ZKSCAN5: variants seen among roughly 807,000 people sequenced by gnomAD.
ZKSCAN5 encodes zinc finger with KRAB and SCAN domains 5.
Under a neutral mutation model 60.0 loss-of-function variants are expected in ZKSCAN5, and 28 were observed. That is an observed-to-expected ratio of 0.47 (90% confidence interval 0.35 to 0.64). The LOEUF (loss-of-function observed/expected upper bound fraction) is 0.64, where lower values mean the gene tolerates loss of function less well. Ranked by LOEUF, ZKSCAN5 falls within the 30% of genes least tolerant of loss-of-function variation. The pLI, the probability that ZKSCAN5 is intolerant of heterozygous loss-of-function variation, is 0.01. For missense variants in ZKSCAN5, 881 were observed against 1,034.6 expected (o/e 0.85, Z 2.04); for synonymous variants, 361 against 371.2 (o/e 0.97, Z 0.31).
At position 99,505,875 on chromosome 7, in the gene ZKSCAN5, T is replaced by A. The variant is rs576361071; in HGVS notation, c.-40-130T>A. The A allele has an allele frequency of 1.9e-4, 132 of 695,870 alleles. 2 individuals are homozygous for A. The Admixed American group carries it at 3.9e-3, about 21-fold the overall frequency. The allele number at this position is 695,870 out of a possible 1,614,324, so 43.1% of individuals were successfully genotyped here. ...TTAAGTAAATTACTTTGTTGAGTGG[T>A]CGTCTTTAGTATAGATGACCTCTTT... is the stretch of plus-strand genomic sequence containing the variant. On this transcript the variant is annotated intron_variant, in intron 1 of 6. Coordinates refer to ENST00000326775, the MANE Select transcript of ZKSCAN5 (RefSeq NM_145102.4).
At position 99,506,429 on chromosome 7, in the gene ZKSCAN5, CA is replaced by C. The variant is rs1800731726; in HGVS notation, c.386del (p.Gln129ArgfsTer37). The C allele has an allele frequency of 6.2e-7, 1 of 1,613,396 alleles. No homozygotes were observed. The highest frequency in any genetic ancestry group is 8.5e-7 in the Non-Finnish European group (1 of 1,179,434). ...GGCGGTGGCCGTGATAGAAAATATA[CA>C]GCGAGAACTTGAGGAACGCAGACAG... Reference protein sequence around the residue: ...EEAVAVIENIQRELEERRQQI... With the variant: ...EEAVAVIENIXRELEERRQQI... On this transcript the variant is annotated frameshift_variant, in exon 2 of 7. Coordinates refer to ENST00000326775, the MANE Select transcript of ZKSCAN5 (RefSeq NM_145102.4). LOFTEE classifies it high-confidence loss of function.
chr7:99,521,312 C>T (rs906109002), intron 5 of ZKSCAN5, among the ~76,000 whole-genome samples: 13 of 152,164 alleles, frequency 8.5e-5, no homozygotes, highest in African/African-American at 2.9e-4. Flanking sequence ...ATTCTCCTGC[C>T]TCAGCCTCCT....
At chr7:99,508,284 C>A (rs552923208) in intron 2 of ZKSCAN5, among the ~76,000 whole-genome samples, 3 of 149,748 alleles carry the variant, frequency 2.0e-5, no homozygotes, top group African/African-American at 7.4e-5. Context: ...GGCAACAGAG[C>A]GAGACTCCAT....
rs1018763517 is a variant in ZKSCAN5 at position 99,517,596 on chromosome 7, T to C, written c.554-2231T>C. On this transcript the variant is annotated intron_variant, in intron 3 of 6. Coordinates refer to ENST00000326775, the MANE Select transcript of ZKSCAN5 (RefSeq NM_145102.4). ...CTCAGGAAGCTGAGGCAGGAGACTCTCTTGAACCTGGGAGGCGGAGGTTGC... is the reference window on the plus strand; with the variant it reads ...CTCAGGAAGCTGAGGCAGGAGACTCCCTTGAACCTGGGAGGCGGAGGTTGC... 2.0e-5 allele frequency among the ~76,000 whole-genome samples: 3 copies of C among 150,676 alleles called. No homozygotes were observed. The East Asian group carries it at 5.9e-4, about 30-fold the overall frequency.
intron 2 of ZKSCAN5, among the ~76,000 whole-genome samples, chr7:99,508,728 G>A (rs1800883093): frequency 4.7e-5 from 7 of 148,264 alleles, no homozygotes. Flanking sequence ...CAGCCTGGGC[G>A]ATGGAGCGAG....
Position 99,533,457 on chromosome 7 carries a change from A to T in ZKSCAN5, c.*1208A>T. 1.9e-6 allele frequency: 1 copy of T among 534,528 alleles called. No homozygotes were observed. The highest frequency in any genetic ancestry group is 2.8e-5 in the East Asian group (1 of 35,578). 33.1% of individuals were successfully genotyped at this position (534,528 alleles called of 1,614,324 possible). ...AATGCCCAATAAATATTTGTTGACC[A>T]TATGTGTTGTACACTGTGGTGCCCT... On this transcript the variant is annotated 3_prime_UTR_variant, in exon 7 of 7. Coordinates refer to ENST00000326775, the MANE Select transcript of ZKSCAN5 (RefSeq NM_145102.4).
intron 5 of ZKSCAN5, among the ~76,000 whole-genome samples, chr7:99,521,196 T>C (rs1029575124): frequency 2.0e-5 from 3 of 152,098 alleles, no homozygotes; most frequent in Non-Finnish European, 4.4e-5. Context: ...AATATATTTA[T>C]TTTATTATTT....
chr7:99,516,141 C>T (rs1801256636), intron 3 of ZKSCAN5, among the ~76,000 whole-genome samples: 1 of 152,072 alleles, frequency 6.6e-6, no homozygotes, highest in South Asian at 2.1e-4. Context: ...CCACGCCTGG[C>T]CACATCTGGT....
At chr7:99,523,314 G>C (rs1801627790) in intron 5 of ZKSCAN5, among the ~76,000 whole-genome samples, 1 of 151,966 alleles carries the variant, frequency 6.6e-6, no homozygotes, top group South Asian at 2.1e-4. Context: ...TGAGAGACAA[G>C]GGGAGGAGGA....
At chr7:99,516,182 C>T (rs929343082) in intron 3 of ZKSCAN5, among the ~76,000 whole-genome samples, 12 of 152,156 alleles carry the variant, frequency 7.9e-5, no homozygotes, top group African/African-American at 2.9e-4. Context: ...CTCTCCTAGG[C>T]ACAGACTGCT....
At position 99,531,215 on chromosome 7, in the gene ZKSCAN5, C is replaced by T. The variant is rs779311944; in HGVS notation, c.1486C>T (p.Gln496Ter). Residue 496 changes from glutamine (Q) to a stop codon, truncating the protein, a stop_gained, in exon 7 of 7, where the codon CAA (glutamine) becomes TAA (stop). Transcript: ENST00000326775. LOFTEE classifies it high-confidence loss of function. Reference protein sequence around the residue: ...LSGKTQRNVSQVQDFGEGCEF... With the variant: ...LSGKTQRNVS ...TGGAAAAACCCAAAGAAATGTTTCT[C>T]AAGTTCAAGATTTTGGAGAAGGCTG... 6.2e-7 allele frequency: 1 copy of T among 1,614,050 alleles called. No homozygotes were observed. The highest frequency in any genetic ancestry group is 1.7e-5 in the Admixed American group (1 of 59,990).
In ZKSCAN5 at chr7:99,506,884, G is replaced by C. The variant is rs917408067; in HGVS notation, c.414+426G>C. On this transcript the variant is annotated intron_variant, in intron 2 of 6. Transcript: ENST00000326775. Reference sequence around the variant, plus strand: ...TTTTTTTTTTTGTATTTTTAGTAGAGACGGGGTTTCACCGTGTTAGCCAGG... The same window carrying C: ...TTTTTTTTTTTGTATTTTTAGTAGACACGGGGTTTCACCGTGTTAGCCAGG... 8.3e-5 allele frequency among the ~76,000 whole-genome samples: 12 copies of C among 144,402 alleles called. 1 individual carries two copies. The highest frequency in any genetic ancestry group is 3.1e-4 in the African/African-American group (12 of 38,518). The allele number at this position is 144,402 out of a possible 152,430, so 94.7% of individuals were successfully genotyped here. A position where few individuals can be genotyped will look rare whatever the true frequency, so the allele number is the denominator to read the frequency against.
chr7:99,514,354 A>T (rs564568937), intron 3 of ZKSCAN5, among the ~76,000 whole-genome samples: 1 of 152,094 alleles, frequency 6.6e-6, no homozygotes. Flanking sequence ...TTTCTGTGTC[A>T]TCTACTGAGT....
rs531140000 is a variant in ZKSCAN5 at position 99,507,443 on chromosome 7, G to A, written c.414+985G>A. ...TAATATACATAATGTATGTGTTTGC[G>A]TATATATGTATATATATGCGTATAT... On this transcript the variant is annotated intron_variant, in intron 2 of 6. Coordinates refer to ENST00000326775, the MANE Select transcript of ZKSCAN5 (RefSeq NM_145102.4). 8.0e-4 allele frequency among the ~76,000 whole-genome samples: 120 copies of A among 149,810 alleles called. 1 individual carries two copies. The highest frequency in any genetic ancestry group is 1.5e-3 in the Non-Finnish European group (99 of 67,784).
chr7:99,523,687 C>T (rs1368147861), intron 5 of ZKSCAN5, among the ~76,000 whole-genome samples: 1 of 151,972 alleles, frequency 6.6e-6, no homozygotes, highest in Admixed American at 6.6e-5. Context: ...ACTATGGTAG[C>T]TGGGATTAGC....
Position 99,534,674 on chromosome 7 carries a change from T to C in ZKSCAN5, c.*2425T>C, listed in dbSNP as rs1262834953. The C allele has an allele frequency of 1.8e-5, 1 of 55,084 alleles. No homozygotes were observed. The highest frequency in any genetic ancestry group is 3.3e-5 in the Non-Finnish European group (1 of 30,696). 3.4% of individuals were successfully genotyped at this position (55,084 alleles called of 1,614,324 possible). ...GCCCAGTTGACAGAGCGACAGTGTC[T>C]AAAAAAAAAAAAAAAAAAAAAAAAA... On this transcript the variant is annotated 3_prime_UTR_variant, in exon 7 of 7. Coordinates refer to ENST00000326775, the MANE Select transcript of ZKSCAN5 (RefSeq NM_145102.4).
In ZKSCAN5 at chr7:99,529,474, G is replaced by A. The variant is rs190065608; in HGVS notation, c.1379-1634G>A. ...TTTCTTTATCAACTCATTGCTCAAC[G>A]GGCACTTAGATTGGCTCCATATCTT... On this transcript the variant is annotated intron_variant, in intron 6 of 6. Coordinates refer to ENST00000326775, the MANE Select transcript of ZKSCAN5 (RefSeq NM_145102.4). 5.9e-5 allele frequency among the ~76,000 whole-genome samples: 9 copies of A among 152,208 alleles called. No individual in the cohort carries two copies. The East Asian group carries it at 1.2e-3, about 20-fold the overall frequency.
At chr7:99,526,556 T>C in intron 6 of ZKSCAN5, 138 bp downstream of exon 6, 1 of 1,401,506 alleles carries the variant, frequency 7.1e-7, no homozygotes, top group Non-Finnish European at 9.6e-7. Flanking sequence ...TTTATTTGGT[T>C]CTTATGTATT....
chr7:99,514,546 T>C (rs1294750071), intron 3 of ZKSCAN5, among the ~76,000 whole-genome samples: 1 of 151,786 alleles, frequency 6.6e-6, no homozygotes, highest in Non-Finnish European at 1.5e-5. Flanking sequence ...CCAAAGCAGG[T>C]GGATCTCTTG....
Sources: allele counts gnomAD v4.1 joint callset (sites outside exome capture counted in the v4.1 genomes callset), GRCh38; gene constraint gnomAD v4.1.1; transcripts MANE v1.5; gene names NCBI Gene and HGNC (gene_info 2026-07-23, HGNC 2026-07-21).